The following IQSEC1 variants were observed in gnomAD, a reference collection of about 807,000 sequenced individuals.
IQSEC1 encodes IQ motif and SEC7 domain-containing protein 1.
IQSEC1 carries 31 observed loss-of-function variants against 91.0 expected under a neutral mutation model. That is an observed-to-expected ratio of 0.34 (90% CI 0.26 to 0.46). The LOEUF (loss-of-function observed/expected upper bound fraction) is 0.46. Ranked by LOEUF, IQSEC1 falls within the 20% of genes least tolerant of loss-of-function variation. IQSEC1 has a pLI of 1.00. For missense variants in IQSEC1, 1,388 were observed against 1,575.6 expected, an observed-to-expected ratio of 0.88 and a Z score of 2.02; for synonymous variants, 699 against 662.6, an observed-to-expected ratio of 1.05 and a Z score of -0.84.
rs769152666 is a variant in IQSEC1, at chr3:12,899,542, TGA to T, written c.*1439_*1440del. 94 of 1,513,266 alleles carry T rather than the reference TGA, an allele frequency of 6.2e-5. 1 individual carries two copies. Among genetic ancestry groups the T allele is most frequent in the African/African-American group, 9.7e-5 (7 of 71,940 alleles). 93.7% of individuals were successfully genotyped at this position (1,513,266 alleles called of 1,614,324 possible). On this transcript the variant is annotated 3_prime_UTR_variant, in exon 14 of 14. Transcript: ENST00000613206. ...AACACAGAAGCGACAAGAGCACAGC[TGA>T]GAGTCATGTGATGCCCTGGCAGCTC... is the stretch of plus-strand genomic sequence containing the variant.
intron 1 of IQSEC1, among the ~76,000 whole-genome samples, chr3:12,969,399 G>A (rs1700784786): frequency 6.6e-6 from 1 of 152,102 alleles, no homozygotes; most frequent in African/African-American, 2.4e-5. Flanking sequence ...TCACAAGGAA[G>A]GCCATAATAA....
intron 1 of IQSEC1, among the ~76,000 whole-genome samples, chr3:13,177,866 C>T (rs1447638445): frequency 1.3e-5 from 2 of 152,204 alleles, no homozygotes; most frequent in African/African-American, 4.8e-5. Context: ...AGGGGCTACA[C>T]AGCCACTCTT....
chr3:12,954,446 T>C (rs956063961), intron 1 of IQSEC1, among the ~76,000 whole-genome samples: 1 of 152,032 alleles, frequency 6.6e-6, no homozygotes, highest in African/African-American at 2.4e-5. Context: ...CCCTGGGGCA[T>C]GTGGATGGCA....
At chr3:12,926,235 G>A (rs1415617898) in intron 3 of IQSEC1, among the ~76,000 whole-genome samples, 2 of 152,138 alleles carry the variant, frequency 1.3e-5, no homozygotes, top group South Asian at 4.2e-4. Context: ...ATTTGAACTC[G>A]GGAGGCGCAG....
intron 1 of IQSEC1, among the ~76,000 whole-genome samples, chr3:12,965,843 G>A (rs1053538672): frequency 3.3e-5 from 5 of 152,152 alleles, no homozygotes; most frequent in Admixed American, 6.5e-5. Flanking sequence ...AGGAGAGCAC[G>A]CTAATGGTTT....
At chr3:13,131,034 A>AG (rs1576264149) in intron 2 of IQSEC1, among the ~76,000 whole-genome samples, 3 of 122,418 alleles carry the variant, frequency 2.5e-5, no homozygotes, top group African/African-American at 7.7e-5. Flanking sequence ...GAAGGAAGGA[A>AG]GGAAAGGAAG....
At chr3:13,136,288 C>T (rs1037742883) in intron 2 of IQSEC1, among the ~76,000 whole-genome samples, 6 of 152,210 alleles carry the variant, frequency 3.9e-5, no homozygotes, top group Admixed American at 1.3e-4. Flanking sequence ...ACACCCCAGC[C>T]GGCTCAGACA....
chr3:13,088,650 C>T (rs934083244), intron 2 of IQSEC1, among the ~76,000 whole-genome samples: 3 of 152,166 alleles, frequency 2.0e-5, no homozygotes, highest in African/African-American at 7.2e-5. Flanking sequence ...GACCCCACCC[C>T]ACTCAGAATA....
At chr3:13,079,819 G>C (rs1392894759) in intron 2 of IQSEC1, among the ~76,000 whole-genome samples, 1 of 152,206 alleles carries the variant, frequency 6.6e-6, no homozygotes, top group Admixed American at 6.5e-5. Context: ...GAGCGAACAT[G>C]ATCACAGTTA....
intron 1 of IQSEC1, chr3:13,047,391 C>T: frequency 1.4e-6 from 1 of 726,710 alleles, no homozygotes; most frequent in African/African-American, 1.9e-5. Context: ...CCCCAAAGGG[C>T]TCTTGGAGGC....
chr3:12,955,517 G>A (rs1370681030), intron 1 of IQSEC1, among the ~76,000 whole-genome samples: 1 of 152,222 alleles, frequency 6.6e-6, no homozygotes, highest in Non-Finnish European at 1.5e-5. Flanking sequence ...GCCTGGTGAG[G>A]TGTCACTACA....
chr3:13,266,350 C>T (rs997426188), intron 1 of IQSEC1, among the ~76,000 whole-genome samples: 6 of 152,148 alleles, frequency 3.9e-5, no homozygotes, highest in African/African-American at 9.7e-5. Context: ...CTGGAGGTCT[C>T]GAAAGTATTG....
rs547463304 is a variant in IQSEC1 at position 13,137,972 on chromosome 3, C to T, written c.302+26132G>A. On this transcript the variant is annotated intron_variant, in intron 2 of 15. Transcript: ENST00000648114. Reference sequence around the variant, plus strand: ...CCCAGTATGTGTGAATTCTGTCACTCGCAGCTGTTCTAACAATGTGTCACA... The same window carrying T: ...CCCAGTATGTGTGAATTCTGTCACTTGCAGCTGTTCTAACAATGTGTCACA... 5.9e-5 allele frequency among the ~76,000 whole-genome samples: 9 copies of T among 152,326 alleles called. No homozygotes were observed. The South Asian group carries it at 1.9e-3, about 32-fold the overall frequency.
chr3:13,028,038 C>T (rs549674792), intron 1 of IQSEC1, among the ~76,000 whole-genome samples: 1 of 152,338 alleles, frequency 6.6e-6, no homozygotes, highest in African/African-American at 2.4e-5. Flanking sequence ...CCTCCTCCCC[C>T]AGGAAGCTGC....
chr3:13,263,248 CAAACA>C (rs72372132), intron 1 of IQSEC1, among the ~76,000 whole-genome samples: 53,550 of 150,834 alleles, frequency 0.36, 12,705 homozygotes, highest in African/African-American at 0.69. Flanking sequence ...GACCCTGTCT[CAAACA>C]AAACAAAACA....
intron 10 of IQSEC1, among the ~76,000 whole-genome samples, chr3:12,911,272 C>T (rs1392284078): frequency 1.3e-5 from 2 of 152,238 alleles, no homozygotes; most frequent in South Asian, 2.1e-4. Flanking sequence ...GGGTTGCTGT[C>T]ACCTGTGTTC....
chr3:13,276,077 A>ATTTT (rs1406168404), intron 1 of IQSEC1, among the ~76,000 whole-genome samples: 32 of 85,564 alleles, frequency 3.7e-4, no homozygotes, highest in African/African-American at 8.4e-4. Context: ...CCTCAAAAGC[A>ATTTT]TTCTTTTTTT....
chr3:13,235,034 G>A lies in IQSEC1; in HGVS notation c.272+47677C>T, dbSNP rs533134428. Among the ~76,000 whole-genome samples the A allele has an allele frequency of 1.9e-3, 283 of 152,332 alleles. 1 individual carries two copies. The highest frequency in any genetic ancestry group is 6.1e-3 in the African/African-American group (254 of 41,578). On this transcript the variant is annotated intron_variant, in intron 1 of 15. Transcript: ENST00000648114. ...GCATGGGGCCCACGGGTCTGGGGAC[G>A]GGCTCTGGGGGTCTAGCGAGGTGGG...
chr3:13,033,142 C>T (rs1287040172), intron 1 of IQSEC1, among the ~76,000 whole-genome samples: 1 of 152,206 alleles, frequency 6.6e-6, no homozygotes, highest in Non-Finnish European at 1.5e-5. Context: ...GAACACCTCA[C>T]TTGTCTCACC....
Sources: allele counts gnomAD v4.1 joint callset (sites outside exome capture counted in the v4.1 genomes callset), GRCh38; gene constraint gnomAD v4.1.1; transcripts MANE v1.5; gene names NCBI Gene and HGNC (gene_info 2026-07-23, HGNC 2026-07-21).